The following DOCK2 variants were observed in gnomAD, a reference collection of about 807,000 sequenced individuals.
DOCK2 encodes the protein dedicator of cytokinesis protein 2.
Under a neutral mutation model 248.9 loss-of-function variants are expected in DOCK2, and 87 were observed. The ratio of observed to expected loss-of-function variants is 0.35; its 90% CI spans 0.29 to 0.42. The LOEUF is 0.42. Among genes scored for constraint, DOCK2 ranks in the 10% least tolerant of loss-of-function variants. The pLI, the probability that DOCK2 is intolerant of heterozygous loss-of-function variation, is 1.00. For missense variants in DOCK2, 1,747 were observed against 2,300.2 expected, an observed-to-expected ratio of 0.76 and a Z score of 4.92; for synonymous variants, 805 against 821.6, an observed-to-expected ratio of 0.98 and a Z score of 0.35.
At chr5:169,866,436 G>A (rs542166060) in intron 27 of DOCK2, among the ~76,000 whole-genome samples, 8 of 152,318 alleles carry the variant, frequency 5.3e-5, no homozygotes, top group East Asian at 3.9e-4. Flanking sequence ...TAGTGCCTAC[G>A]CAAAGGACCT....
rs1003505630 is a variant in DOCK2 at position 169,840,149 on chromosome 5, C to G, written c.2704-608C>G. On this transcript the variant is annotated intron_variant, in intron 26 of 51. Transcript: ENST00000520908. ...ATCTGCTAGGCTTCTGGGGAGGCCTCGGGACACTTTTACTCACGGTAGAAG... is the reference window on the plus strand; with the variant it reads ...ATCTGCTAGGCTTCTGGGGAGGCCTGGGGACACTTTTACTCACGGTAGAAG... Among the ~76,000 whole-genome samples, 4 of 152,122 alleles carry G rather than the reference C, an allele frequency of 2.6e-5. No homozygotes were observed. In the South Asian group the frequency reaches 6.2e-4, roughly 24 times the overall value.
At chr5:169,977,889 C>T (rs1777772502) in intron 27 of DOCK2, among the ~76,000 whole-genome samples, 1 of 152,182 alleles carries the variant, frequency 6.6e-6, no homozygotes. Context: ...ACCCACCACA[C>T]AGACAGCACC....
chr5:170,047,705 T>G, intron 40 of DOCK2, 91 bp downstream of exon 40: 1 of 1,184,212 alleles, frequency 8.4e-7, no homozygotes, highest in Non-Finnish European at 1.2e-6. Flanking sequence ...TTGCTTGTGC[T>G]CAGAAGCGGT....
chr5:169,830,907 C>T (rs1350075962), intron 26 of DOCK2, among the ~76,000 whole-genome samples: 1 of 152,152 alleles, frequency 6.6e-6, no homozygotes, highest in African/African-American at 2.4e-5. Flanking sequence ...GAAGGAGAGC[C>T]ATTCCCACAG....
intron 2 of DOCK2, among the ~76,000 whole-genome samples, chr5:169,667,636 C>T (rs1758814582): frequency 6.6e-6 from 1 of 152,192 alleles, no homozygotes; most frequent in Non-Finnish European, 1.5e-5. Flanking sequence ...CACCCACTAG[C>T]TGTGTGACCA....
intron 26 of DOCK2, among the ~76,000 whole-genome samples, chr5:169,837,202 T>C (rs1182221800): frequency 1.3e-5 from 2 of 152,128 alleles, no homozygotes; most frequent in East Asian, 3.9e-4. Context: ...TGTGTTTAGG[T>C]TGGATGGATT....
intron 27 of DOCK2, among the ~76,000 whole-genome samples, chr5:169,845,979 C>T (rs1770277131): frequency 6.6e-6 from 1 of 152,152 alleles, no homozygotes; most frequent in South Asian, 2.1e-4. Context: ...AGTAGTTACT[C>T]AGGGGTCAAG....
At chr5:169,976,190 A>T (rs1777711848) in intron 27 of DOCK2, among the ~76,000 whole-genome samples, 1 of 152,276 alleles carries the variant, frequency 6.6e-6, no homozygotes, top group Non-Finnish European at 1.5e-5. Context: ...CTGACAAAGA[A>T]CAATGAATAA....
In DOCK2 at chr5:170,008,676, TG is replaced by T; in HGVS notation, c.3174-11del. On this transcript the variant is annotated splice_polypyrimidine_tract_variant and intron_variant, in intron 31 of 51. Coordinates refer to ENST00000520908, the MANE Select transcript of DOCK2 (RefSeq NM_004946.3). ...AGATGGTGCCTGAAGCAGAGGTTTTTGTTCCTCCTAGGTATGGGGACATGAG... is the reference window on the plus strand; with the variant it reads ...AGATGGTGCCTGAAGCAGAGGTTTTTTTCCTCCTAGGTATGGGGACATGAG... 1 of 1,614,130 alleles carries T rather than the reference TG, an allele frequency of 6.2e-7. No individual in the cohort carries two copies. Among genetic ancestry groups the T allele is most frequent in the Non-Finnish European group, 8.5e-7 (1 of 1,179,978 alleles).
intron 27 of DOCK2, among the ~76,000 whole-genome samples, chr5:169,916,047 TA>T (rs1210087242): frequency 1.3e-5 from 2 of 152,216 alleles, no homozygotes; most frequent in Non-Finnish European, 2.9e-5. Context: ...ATGTTTAGAT[TA>T]GAAGTATGGG....
Position 170,055,367 on chromosome 5 carries a change from G to C in DOCK2, c.4276G>C (p.Val1426Leu), listed in dbSNP as rs770313950. ...ACATCCCAGGTTCAAGAATAAGCCA[G>C]TGCCTGACCAGATTATAAAGTAAGA... Reference protein sequence around the residue: ...DEHPRFKNKPVPDQIINFYKS... With the variant: ...DEHPRFKNKPLPDQIINFYKS... Residue 1426 changes from valine to leucine, a missense_variant, in exon 42 of 52, where the codon GTG becomes CTG. By Grantham distance (32) the Val-to-Leu change is conservative. This residue lies in a region of DOCK2 where 513 missense variants were observed against 586.1 expected (regional missense o/e 0.88). Coordinates refer to ENST00000520908, the MANE Select transcript of DOCK2 (RefSeq NM_004946.3). 6.8e-6 allele frequency: 11 copies of C among 1,614,062 alleles called. No homozygotes were observed. The highest frequency in any genetic ancestry group is 5.3e-5 in the African/African-American group (4 of 75,052).
At chr5:169,721,136 A>G (rs1188426312) in intron 22 of DOCK2, among the ~76,000 whole-genome samples, 1 of 152,246 alleles carries the variant, frequency 6.6e-6, no homozygotes, top group Non-Finnish European at 1.5e-5. Context: ...ATAATCTTGC[A>G]GAACCCCTAA....
At chr5:169,695,969 T>G (rs1362932229) in intron 10 of DOCK2, 31 bp downstream of exon 10, 5 of 1,556,810 alleles carry the variant, frequency 3.2e-6, no homozygotes, top group Non-Finnish European at 4.3e-6. Flanking sequence ...CATTGATTTT[T>G]ATGGGAGCGC....
In DOCK2 at chr5:169,792,142, C is replaced by A. The variant is rs536092929; in HGVS notation, c.2555-10916C>A. On this transcript the variant is annotated intron_variant, in intron 25 of 51. Coordinates refer to ENST00000520908, the MANE Select transcript of DOCK2 (RefSeq NM_004946.3). ...AGAGACAGTGGGTCAGGGATGATAG[C>A]CCTGGAAGGGTGTGGGAGGTGCTGA... Among the ~76,000 whole-genome samples the A allele has an allele frequency of 4.4e-4, 67 of 152,140 alleles. 1 individual carries two copies. The highest frequency in any genetic ancestry group is 1.6e-3 in the African/African-American group (66 of 41,512).
intron 27 of DOCK2, among the ~76,000 whole-genome samples, chr5:169,859,212 C>T (rs888588832): frequency 9.9e-5 from 15 of 152,194 alleles, no homozygotes; most frequent in African/African-American, 3.6e-4. Flanking sequence ...CGGATGCATC[C>T]CTGCTCTTTA....
intron 32 of DOCK2, among the ~76,000 whole-genome samples, chr5:170,018,661 A>G (rs557711803): frequency 6.6e-6 from 1 of 152,290 alleles, no homozygotes; most frequent in African/African-American, 2.4e-5. Flanking sequence ...TCATGGCCCT[A>G]TTTGCAGAGC....
chr5:169,962,812 T>C, intron 27 of DOCK2, among the ~76,000 whole-genome samples: 1 of 151,952 alleles, frequency 6.6e-6, no homozygotes, highest in African/African-American at 2.4e-5. Context: ...AAGGTAGACG[T>C]CAAAATAAGG....
chr5:170,074,077 A>G (rs1757763598), intron 46 of DOCK2, among the ~76,000 whole-genome samples: 1 of 152,176 alleles, frequency 6.6e-6, no homozygotes, highest in Non-Finnish European at 1.5e-5. Context: ...AAAGCCATAA[A>G]TGTATCTCCG....
intron 8 of DOCK2, among the ~76,000 whole-genome samples, chr5:169,687,878 C>T (rs1337071329): frequency 6.6e-6 from 1 of 152,094 alleles, no homozygotes; most frequent in African/African-American, 2.4e-5. Flanking sequence ...GTGGTCTGGC[C>T]TCTCCCTCTA....
Sources: allele counts gnomAD v4.1 joint callset (sites outside exome capture counted in the v4.1 genomes callset), GRCh38; gene constraint gnomAD v4.1.1; regional missense constraint gnomAD v4.1.1; transcripts MANE v1.5; gene names NCBI Gene and HGNC (gene_info 2026-07-23, HGNC 2026-07-21).